Variants in RAB27A observed in about 807,000 individuals in gnomAD.
RAB27A encodes ras-related protein Rab-27A.
A neutral mutation model predicts 20.8 loss-of-function variants in RAB27A; 17 were observed. The ratio of observed to expected loss-of-function variants is 0.82; its 90% CI spans 0.56 to 1.23. RAB27A has a LOEUF of 1.23. RAB27A is among the 50% of genes most tolerant of loss of function. The probability of loss-of-function intolerance (pLI) is 0.00; values close to 1 mark genes in which losing one functional copy is unlikely to be tolerated. For synonymous variants in RAB27A, 85 were observed against 92.8 expected, an observed-to-expected ratio of 0.92 and a Z score of 0.48; for missense variants, 277 against 266.7, an observed-to-expected ratio of 1.04 and a Z score of -0.27.
chr15:55,264,619 A>G (rs1050687116), intron 2 of RAB27A, among the ~76,000 whole-genome samples: 2 of 152,256 alleles, frequency 1.3e-5, no homozygotes, highest in African/African-American at 4.8e-5. Flanking sequence ...CTTCAAATAT[A>G]ACAGAAGTTA....
intron 6 of RAB27A, chr15:55,206,306 G>A (rs1894648018): frequency 1.3e-6 from 1 of 778,384 alleles, no homozygotes; most frequent in Non-Finnish European, 1.6e-6. Context: ...ATAAGTAGGG[G>A]ATTCTGGAAG....
At chr15:55,213,927 C>T (rs1895144097) in intron 6 of RAB27A, among the ~76,000 whole-genome samples, 1 of 152,204 alleles carries the variant, frequency 6.6e-6, no homozygotes, top group South Asian at 2.1e-4. Context: ...CCCACACCTC[C>T]ACTGGTCCAT....
chr15:55,295,344 G>C (rs1566939278), intron 2 of RAB27A, among the ~76,000 whole-genome samples: 2 of 152,098 alleles, frequency 1.3e-5, no homozygotes, highest in African/African-American at 4.8e-5. Flanking sequence ...CCTATTCCTA[G>C]AACTATGCCT....
At chr15:55,266,830 G>GT (rs1166005507) in intron 2 of RAB27A, among the ~76,000 whole-genome samples, 2 of 152,178 alleles carry the variant, frequency 1.3e-5, no homozygotes, top group Non-Finnish European at 2.9e-5. Flanking sequence ...TACACAACCA[G>GT]TTAAACATCT....
chr15:55,215,069 G>A (rs1385175711), intron 6 of RAB27A, among the ~76,000 whole-genome samples: 4 of 152,028 alleles, frequency 2.6e-5, no homozygotes, highest in Non-Finnish European at 5.9e-5. Flanking sequence ...CAGATCTCCC[G>A]CAACAGAATA....
exon 1 of RAB27A, chr15:55,318,935 G>A: frequency 3.3e-6 from 1 of 298,570 alleles, no homozygotes; most frequent in Non-Finnish European, 6.3e-6. Context: ...AGGTACCTCC[G>A]ACTGTTCTGC....
At chr15:55,274,651 G>A (rs1897799262) in intron 1 of RAB27A, among the ~76,000 whole-genome samples, 2 of 151,186 alleles carry the variant, frequency 1.3e-5, no homozygotes, top group Admixed American at 1.3e-4. Context: ...GGTGGCAGGT[G>A]CCTGTAATCC....
In RAB27A at chr15:55,295,982, C is replaced by T. The variant is rs534385693; in HGVS notation, c.-112+18057G>A. 1.2e-4 allele frequency among the ~76,000 whole-genome samples: 18 copies of T among 151,500 alleles called. No homozygotes were observed. In the East Asian group the frequency reaches 2.2e-3, roughly 18 times the overall value. On this transcript the variant is annotated intron_variant, in intron 2 of 5. Coordinates refer to the RAB27A transcript ENST00000563262. Reference sequence around the variant, plus strand: ...TGTGACCTCGGCTCACTGCAACCTCCGCCTTCCGGTTTCAAGCGATACTCC... The same window carrying T: ...TGTGACCTCGGCTCACTGCAACCTCTGCCTTCCGGTTTCAAGCGATACTCC...
At chr15:55,241,612 A>ATGTGTG (rs1555395466) in intron 2 of RAB27A, among the ~76,000 whole-genome samples, 1 of 129,084 alleles carries the variant, frequency 7.7e-6, no homozygotes, top group African/African-American at 4.2e-5. Context: ...ATATATATAT[A>ATGTGTG]TATATATATA....
chr15:55,296,415 G>C (rs940666380), intron 2 of RAB27A, among the ~76,000 whole-genome samples: 4 of 152,046 alleles, frequency 2.6e-5, no homozygotes, highest in African/African-American at 4.8e-5. Context: ...AGAATCACTT[G>C]AACCCGGGAG....
intron 6 of RAB27A, among the ~76,000 whole-genome samples, chr15:55,213,544 A>AG (rs763458999): frequency 1.1e-4 from 17 of 152,218 alleles, no homozygotes; most frequent in Non-Finnish European, 2.4e-4. Flanking sequence ...GGAGGTAAGC[A>AG]GGGGGCCAGC....
rs374082961 is a variant in RAB27A, at chr15:55,288,486, A to G, written c.-143+1230T>C. 2.0e-4 allele frequency among the ~76,000 whole-genome samples: 30 copies of G among 152,298 alleles called. No individual in the cohort carries two copies. In the East Asian group the frequency reaches 2.5e-3, roughly 13 times the overall value. On this transcript the variant is annotated intron_variant, in intron 1 of 6. Transcript: ENST00000336787. Reference sequence around the variant, plus strand: ...CTGTGAGCCAAGATCATGCCACCGCATTCCTACCTGGGCGACAGAGTGAGA... The same window carrying G: ...CTGTGAGCCAAGATCATGCCACCGCGTTCCTACCTGGGCGACAGAGTGAGA...
At chr15:55,254,771 T>C (rs1262259966) in intron 2 of RAB27A, among the ~76,000 whole-genome samples, 1 of 152,226 alleles carries the variant, frequency 6.6e-6, no homozygotes, top group African/African-American at 2.4e-5. Context: ...TTACATTTCT[T>C]TCAGGCACAA....
intron 6 of RAB27A, among the ~76,000 whole-genome samples, chr15:55,219,343 A>C (rs1277441747): frequency 6.6e-6 from 1 of 152,242 alleles, no homozygotes; most frequent in Non-Finnish European, 1.5e-5. Flanking sequence ...TCACTCACTC[A>C]TGCATGGCAC....
chr15:55,207,043 A>T (rs1894686702), intron 6 of RAB27A, among the ~76,000 whole-genome samples: 1 of 152,196 alleles, frequency 6.6e-6, no homozygotes, highest in African/African-American at 2.4e-5. Flanking sequence ...CATTTGTGAA[A>T]AAATGTTCAA....
chr15:55,282,512 C>A (rs762865313), intron 1 of RAB27A, among the ~76,000 whole-genome samples: 2 of 152,164 alleles, frequency 1.3e-5, no homozygotes, highest in Non-Finnish European at 2.9e-5. Context: ...CCCAGAGAAG[C>A]TCTAGTGAAG....
upstream of RAB27A, among the ~76,000 whole-genome samples, chr15:55,294,360 G>A (rs776873875): frequency 2.6e-5 from 4 of 152,046 alleles, no homozygotes; most frequent in Non-Finnish European, 4.4e-5. Context: ...GGCCAACATA[G>A]GTAGAGCCCT....
chr15:55,227,297 C>T (rs190309277), intron 5 of RAB27A, among the ~76,000 whole-genome samples: 9 of 150,632 alleles, frequency 6.0e-5, no homozygotes, highest in African/African-American at 1.9e-4. Context: ...AGATTCTATG[C>T]GCACTCTCTA....
chr15:55,289,353 CAA>C (rs1333704524), intron 1 of RAB27A: 1 of 152,350 alleles, frequency 6.6e-6, no homozygotes, highest in Admixed American at 6.5e-5. Flanking sequence ...AAACTGAAAG[CAA>C]AAGAGGGAGG....
Sources: allele counts gnomAD v4.1 joint callset (sites outside exome capture counted in the v4.1 genomes callset), GRCh38; gene constraint gnomAD v4.1.1; transcripts MANE v1.5; gene names NCBI Gene and HGNC (gene_info 2026-07-23, HGNC 2026-07-21).